MED12L: variants seen among roughly 807,000 people sequenced by gnomAD.
The protein encoded by MED12L is mediator of RNA polymerase II transcription subunit 12-like protein.
A neutral mutation model predicts 281.3 loss-of-function variants in MED12L; 60 were observed. The observed-to-expected ratio is 0.21, with a 90% CI of 0.17 to 0.26. The LOEUF is 0.26. Ranked by LOEUF, MED12L falls within the 10% of genes least tolerant of loss-of-function variation. MED12L has a pLI of 1.00. For missense variants in MED12L, 2,146 were observed against 2,680.9 expected (o/e 0.80, Z 4.41); for synonymous variants, 974 against 987.2 (o/e 0.99, Z 0.25).
intron 12 of MED12L, 66 bp downstream of exon 12, chr3:151,185,527 A>G: frequency 6.5e-7 from 1 of 1,548,140 alleles, no homozygotes; most frequent in Non-Finnish European, 8.8e-7. Flanking sequence ...GGGGAAGATC[A>G]TTTTCTCTTA....
intron 16 of MED12L, among the ~76,000 whole-genome samples, chr3:151,195,975 G>A (rs1724596317): frequency 6.6e-6 from 1 of 152,226 alleles, no homozygotes; most frequent in Non-Finnish European, 1.5e-5. Context: ...TTGAATGGTT[G>A]AGGGTTATGT....
At chr3:151,342,836 A>G (rs1159632922) in intron 16 of MED12L, among the ~76,000 whole-genome samples, 1 of 152,198 alleles carries the variant, frequency 6.6e-6, no homozygotes, top group East Asian at 1.9e-4. Flanking sequence ...TATGTACTTC[A>G]AATAATAATT....
intron 35 of MED12L, among the ~76,000 whole-genome samples, chr3:151,384,443 T>A (rs1381670096): frequency 1.3e-5 from 2 of 152,220 alleles, no homozygotes; most frequent in African/African-American, 4.8e-5. Context: ...CATGTTTAAT[T>A]TTTTAAAGAA....
intron 16 of MED12L, among the ~76,000 whole-genome samples, chr3:151,284,694 C>T (rs6788248): frequency 0.53 from 80,622 of 152,036 alleles, 21,976 homozygotes; most frequent in Middle Eastern, 0.66. Flanking sequence ...CCACAACCTC[C>T]GCCTCCCGGG....
intron 16 of MED12L, chr3:151,198,343 T>G: frequency 1.2e-4 from 54 of 464,626 alleles, no homozygotes; most frequent in Middle Eastern, 7.5e-4. Context: ...TTTTTTTTTG[T>G]TTTTTTTTTT....
rs369130191 is a variant in MED12L, at chr3:151,369,962, T to G, written c.3664+413T>G. The stretch of plus-strand genomic sequence containing the variant: ...AGCAGAACACCAGAAAATCTGAGTC[T>G]TAATCTTAGTATTTTTGCTCCTATC... On this transcript the variant is annotated intron_variant, in intron 26 of 44. Coordinates refer to ENST00000687756, the MANE Select transcript of MED12L (RefSeq NM_001393769.1). Among the ~76,000 whole-genome samples, 8 of 152,170 alleles carry G rather than the reference T, an allele frequency of 5.3e-5. No individual in the cohort carries two copies. The East Asian group carries it at 1.5e-3, about 29-fold the overall frequency.
Position 151,433,425 on chromosome 3 carries a change from G to A in MED12L, c.*621G>A, listed in dbSNP as rs1719751256. The A allele has an allele frequency of 6.6e-6, 1 of 152,642 alleles. No homozygotes were observed. The highest frequency in any genetic ancestry group is 2.4e-5 in the African/African-American group (1 of 41,432). 9.5% of individuals were successfully genotyped at this position (152,642 alleles called of 1,614,324 possible). A position where few individuals can be genotyped will look rare whatever the true frequency, so the allele number is the denominator to read the frequency against. The stretch of plus-strand genomic sequence containing the variant: ...TGGTCAAAAGGTGCTGAAACAGATT[G>A]TTGCTTCGTACTTAAACTTCTTAAA... On this transcript the variant is annotated 3_prime_UTR_variant, in exon 45 of 45. Coordinates refer to ENST00000687756, the MANE Select transcript of MED12L (RefSeq NM_001393769.1).
intron 5 of MED12L, among the ~76,000 whole-genome samples, chr3:151,148,419 A>T (rs1218649911): frequency 1.3e-5 from 2 of 152,226 alleles, no homozygotes; most frequent in Non-Finnish European, 2.9e-5. Flanking sequence ...TGGTATATAT[A>T]ATAGCTGACA....
At chr3:151,153,330 C>T (rs531771944) in intron 5 of MED12L, among the ~76,000 whole-genome samples, 1 of 152,262 alleles carries the variant, frequency 6.6e-6, no homozygotes, top group East Asian at 1.9e-4. Context: ...CCTCACACCA[C>T]TCTCAGTAAC....
intron 2 of MED12L, among the ~76,000 whole-genome samples, chr3:151,089,420 CTT>C (rs34199914): frequency 3.1e-4 from 41 of 132,270 alleles, no homozygotes; most frequent in Non-Finnish European, 3.9e-4. Context: ...CTGGATTTAG[CTT>C]TTTTTTTTTT....
chr3:151,262,131 AAGTT>A (rs1559954271), intron 16 of MED12L, among the ~76,000 whole-genome samples: 1 of 152,156 alleles, frequency 6.6e-6, no homozygotes. Flanking sequence ...AATTTATTGA[AAGTT>A]AGATAGCTAG....
At chr3:151,367,366 T>A (rs1008443687) in intron 23 of MED12L, among the ~76,000 whole-genome samples, 1 of 152,232 alleles carries the variant, frequency 6.6e-6, no homozygotes, top group African/African-American at 2.4e-5. Context: ...AGTGATTTCC[T>A]GATTTTCCAT....
chr3:151,189,038 T>C (rs936986899), intron 13 of MED12L, among the ~76,000 whole-genome samples: 5 of 152,314 alleles, frequency 3.3e-5, no homozygotes, highest in South Asian at 4.1e-4. Flanking sequence ...TTTTGAAATA[T>C]TTTGTGAGCT....
chr3:151,206,011 T>G (rs1039908837), intron 16 of MED12L, among the ~76,000 whole-genome samples: 5 of 151,794 alleles, frequency 3.3e-5, no homozygotes, highest in Admixed American at 2.6e-4. Context: ...CCTGTGCAAC[T>G]CCAGTTCAGC....
At chr3:151,129,813 T>C (rs1042795815) in intron 5 of MED12L, among the ~76,000 whole-genome samples, 1 of 152,066 alleles carries the variant, frequency 6.6e-6, no homozygotes, top group African/African-American at 2.4e-5. Context: ...CAGTCACCCA[T>C]GTTGGAGTGC....
At chr3:151,281,154 C>T (rs983165072) in intron 16 of MED12L, among the ~76,000 whole-genome samples, 3 of 147,244 alleles carry the variant, frequency 2.0e-5, no homozygotes, top group African/African-American at 7.6e-5. Flanking sequence ...TTTGGGAGGC[C>T]GAGGCAGGCA....
chr3:151,223,704 C>T (rs4680250), intron 16 of MED12L, among the ~76,000 whole-genome samples: 3 of 152,016 alleles, frequency 2.0e-5, no homozygotes, highest in South Asian at 2.1e-4. Context: ...AGGTAGGAAG[C>T]GGGGAAATGG....
chr3:151,355,578 A>T (rs911284863), intron 18 of MED12L, among the ~76,000 whole-genome samples: 3 of 152,228 alleles, frequency 2.0e-5, no homozygotes, highest in Non-Finnish European at 4.4e-5. Flanking sequence ...ATTGAGAAGA[A>T]AACACATCTG....
In MED12L at chr3:151,432,305, C is replaced by T. The variant is rs543918271; in HGVS notation, c.6491-447C>T. 2.6e-5 allele frequency among the ~76,000 whole-genome samples: 4 copies of T among 152,328 alleles called. No individual in the cohort carries two copies. The East Asian group carries it at 7.7e-4, about 29-fold the overall frequency. ...AGTCTTGCACCTGCATATACTCTTG[C>T]ACAGTTCTGTTGTACATACCTTATG... On this transcript the variant is annotated intron_variant, in intron 44 of 44. Coordinates refer to ENST00000687756, the MANE Select transcript of MED12L (RefSeq NM_001393769.1).
Sources: gnomAD v4.1 joint callset for allele counts (sites outside exome capture counted in the v4.1 genomes callset) on GRCh38, gnomAD v4.1.1 for gene constraint, MANE v1.5 for transcripts, NCBI Gene and HGNC (gene_info 2026-07-23, HGNC 2026-07-21) for gene names.